Variants in PDE4D observed in about 807,000 individuals in gnomAD.
The protein encoded by PDE4D is 3',5'-cyclic-AMP phosphodiesterase 4D.
A neutral mutation model predicts 87.4 loss-of-function variants in PDE4D; 24 were observed. That is an observed-to-expected ratio of 0.27 (90% confidence interval 0.20 to 0.39). The LOEUF (loss-of-function observed/expected upper bound fraction) is 0.39, where lower values mean the gene tolerates loss of function less well. PDE4D is among the 10% of genes least tolerant of loss of function. The probability of loss-of-function intolerance (pLI) is 1.00; values close to 1 mark genes in which losing one functional copy is unlikely to be tolerated. For synonymous variants in PDE4D, 384 were observed against 383.2 expected (o/e 1.00, Z -0.02); for missense variants, 714 against 1,041.0 (o/e 0.69, Z 4.32).
At chr5:60,243,648 A>G (rs1388773162) in intron 1 of PDE4D, among the ~76,000 whole-genome samples, 1 of 152,028 alleles carries the variant, frequency 6.6e-6, no homozygotes, top group African/African-American at 2.4e-5. Flanking sequence ...GGAAGCAAGG[A>G]TAGTTCAACA....
chr5:59,891,259 C>G (rs1326148560), intron 1 of PDE4D, among the ~76,000 whole-genome samples: 2 of 152,206 alleles, frequency 1.3e-5, no homozygotes, highest in East Asian at 3.8e-4. Flanking sequence ...ATTTTTCTTT[C>G]TTCCACTCTC....
intron 1 of PDE4D, among the ~76,000 whole-genome samples, chr5:59,659,129 T>A (rs773228324): frequency 1.8e-3 from 281 of 152,218 alleles, no homozygotes; most frequent in Non-Finnish European, 2.6e-3. Flanking sequence ...GGAAGGGATA[T>A]GTTGAATCAG....
chr5:59,258,267 A>G (rs1455085030), intron 1 of PDE4D, among the ~76,000 whole-genome samples: 1 of 151,960 alleles, frequency 6.6e-6, no homozygotes, highest in East Asian at 1.9e-4. Flanking sequence ...AGAGACACAC[A>G]GACACAGACA....
At chr5:59,753,637 T>C (rs1448030991) in intron 1 of PDE4D, among the ~76,000 whole-genome samples, 2 of 152,124 alleles carry the variant, frequency 1.3e-5, no homozygotes, top group Non-Finnish European at 2.9e-5. Flanking sequence ...GGAATAATTA[T>C]GTAACCGGGG....
At chr5:60,148,843 T>C (rs2149436825) in intron 2 of PDE4D, among the ~76,000 whole-genome samples, 1 of 152,270 alleles carries the variant, frequency 6.6e-6, no homozygotes, top group Non-Finnish European at 1.5e-5. Flanking sequence ...GGCCATTTTC[T>C]AAGCCAGACT....
intron 5 of PDE4D, among the ~76,000 whole-genome samples, chr5:59,079,581 T>C (rs1766307974): frequency 6.6e-6 from 1 of 151,878 alleles, no homozygotes; most frequent in South Asian, 2.1e-4. Flanking sequence ...ATCCCTACAC[T>C]TTGCATGACT....
chr5:60,292,199 T>G (rs1342404783), intron 1 of PDE4D, among the ~76,000 whole-genome samples: 2 of 152,126 alleles, frequency 1.3e-5, no homozygotes, highest in Non-Finnish European at 2.9e-5. Flanking sequence ...ATTTTTACCG[T>G]TTTCCAATAA....
At chr5:60,074,583 A>G (rs940674356) in intron 2 of PDE4D, among the ~76,000 whole-genome samples, 1 of 152,004 alleles carries the variant, frequency 6.6e-6, no homozygotes, top group African/African-American at 2.4e-5. Context: ...TGCCTCAATG[A>G]TCTAATACTG....
At chr5:60,017,994 C>T (rs778198951) in intron 2 of PDE4D, among the ~76,000 whole-genome samples, 7 of 151,984 alleles carry the variant, frequency 4.6e-5, no homozygotes, top group East Asian at 1.9e-4. Context: ...CAATTCTGAC[C>T]GGCATGAGAT....
At chr5:59,838,838 A>G (rs1218384256) in intron 1 of PDE4D, among the ~76,000 whole-genome samples, 1 of 152,028 alleles carries the variant, frequency 6.6e-6, no homozygotes, top group African/African-American at 2.4e-5. Flanking sequence ...CAAGGCCTTA[A>G]ATGGTACCTT....
chr5:59,287,162 C>T (rs956746038), intron 1 of PDE4D, among the ~76,000 whole-genome samples: 1 of 152,124 alleles, frequency 6.6e-6, no homozygotes, highest in Non-Finnish European at 1.5e-5. Context: ...TGGACCTTCC[C>T]TGGCTTACAG....
chr5:59,214,776 C>A (rs913906272), intron 2 of PDE4D, among the ~76,000 whole-genome samples: 2 of 152,112 alleles, frequency 1.3e-5, no homozygotes, highest in Non-Finnish European at 2.9e-5. Flanking sequence ...AAAATAGCAA[C>A]CATAGTTTGT....
chr5:60,007,210 A>C (rs1764577720), intron 2 of PDE4D, among the ~76,000 whole-genome samples: 1 of 151,962 alleles, frequency 6.6e-6, no homozygotes, highest in African/African-American at 2.4e-5. Flanking sequence ...ACCCCAAACA[A>C]TGAAAACTGA....
chr5:59,460,647 G>A (rs1359587886), intron 1 of PDE4D, among the ~76,000 whole-genome samples: 5 of 152,096 alleles, frequency 3.3e-5, no homozygotes, highest in African/African-American at 7.2e-5. Flanking sequence ...CCAAGAAGAC[G>A]GGTGACTGCC....
At chr5:59,671,527 G>T (rs904037819) in intron 1 of PDE4D, among the ~76,000 whole-genome samples, 2 of 152,134 alleles carry the variant, frequency 1.3e-5, no homozygotes, top group African/African-American at 4.8e-5. Flanking sequence ...CAATTTTACA[G>T]CCAGGCATGA....
rs902319744 is a variant in PDE4D at position 60,467,246 on chromosome 5, G to A, written c.-90+20696C>T. On this transcript the variant is annotated intron_variant, in intron 1 of 16. Transcript: ENST00000502484. The stretch of plus-strand genomic sequence containing the variant: ...GTAGAGACGGGGTTTCACCATGTTC[G>A]CCAGGCTGGTCTTGAACTCTTTACC... Among the ~76,000 whole-genome samples, 5 of 151,958 alleles carry A rather than the reference G, an allele frequency of 3.3e-5. No individual in the cohort carries two copies. The South Asian group carries it at 6.2e-4, about 19-fold the overall frequency.
intron 1 of PDE4D, among the ~76,000 whole-genome samples, chr5:59,247,764 T>C (rs367563911): frequency 3.9e-5 from 6 of 152,024 alleles, no homozygotes; most frequent in African/African-American, 1.4e-4. Context: ...TTTACAGATA[T>C]GACTTTAGGC....
chr5:60,242,398 C>T (rs570383442), intron 1 of PDE4D, among the ~76,000 whole-genome samples: 19 of 152,182 alleles, frequency 1.2e-4, no homozygotes, highest in African/African-American at 4.3e-4. Flanking sequence ...AGCCCACTTT[C>T]GTCATAGGAC....
At chr5:60,301,503 C>T (rs1430652826) in intron 1 of PDE4D, among the ~76,000 whole-genome samples, 1 of 152,106 alleles carries the variant, frequency 6.6e-6, no homozygotes, top group African/African-American at 2.4e-5. Context: ...TGATTTGGCT[C>T]TCTGCTTGCC....
Sources: allele counts gnomAD v4.1 joint callset (sites outside exome capture counted in the v4.1 genomes callset), GRCh38; gene constraint gnomAD v4.1.1; transcripts MANE v1.5; gene names NCBI Gene and HGNC (gene_info 2026-07-23, HGNC 2026-07-21).